RBFOX1: variants seen among roughly 807,000 people sequenced by gnomAD.
RBFOX1 encodes RNA binding protein fox-1 homolog 1.
RBFOX1 carries 8 observed loss-of-function variants against 57.7 expected under a neutral mutation model. The observed-to-expected ratio is 0.14, with a 90% CI of 0.08 to 0.25. RBFOX1 has a LOEUF of 0.25. Among genes scored for constraint, RBFOX1 ranks in the 10% least tolerant of loss-of-function variants. The pLI is 1.00. For synonymous variants in RBFOX1, 326 were observed against 222.4 expected (o/e 1.47, Z -4.15); for missense variants, 611 against 548.5 (o/e 1.11, Z -1.14).
At chr16:7,519,745 G>C in intron 5 of RBFOX1, 1 of 981,016 alleles carries the variant, frequency 1.0e-6, no homozygotes, top group Non-Finnish European at 1.2e-6. Flanking sequence ...CCTGTCCCAA[G>C]ACCTCAGGAA....
chr16:7,202,883 C>G (rs536433317), intron 4 of RBFOX1, among the ~76,000 whole-genome samples: 1 of 152,160 alleles, frequency 6.6e-6, no homozygotes, highest in Non-Finnish European at 1.5e-5. Context: ...GAAGTACAGC[C>G]TCAAAGAAAT....
chr16:6,177,748 A>G (rs2097024118), intron 1 of RBFOX1, among the ~76,000 whole-genome samples: 1 of 152,138 alleles, frequency 6.6e-6, no homozygotes, highest in Non-Finnish European at 1.5e-5. Flanking sequence ...ATTACGAATG[A>G]GTACACCCAA....
At chr16:7,190,038 A>C (rs1462665149) in intron 4 of RBFOX1, among the ~76,000 whole-genome samples, 2 of 152,246 alleles carry the variant, frequency 1.3e-5, no homozygotes, top group African/African-American at 4.8e-5. Flanking sequence ...ACCATGATTT[A>C]CTGGCAGGGC....
chr16:7,217,553 T>A (rs1040195898), intron 4 of RBFOX1, among the ~76,000 whole-genome samples: 1 of 152,236 alleles, frequency 6.6e-6, no homozygotes, highest in African/African-American at 2.4e-5. Flanking sequence ...CATCACTCTT[T>A]ATCTTATCCC....
At chr16:6,648,140 G>A (rs916030658) in intron 2 of RBFOX1, among the ~76,000 whole-genome samples, 8 of 152,102 alleles carry the variant, frequency 5.3e-5, no homozygotes, top group African/African-American at 1.9e-4. Context: ...ACTGCACCCG[G>A]CTTCAAGTGA....
intron 3 of RBFOX1, among the ~76,000 whole-genome samples, chr16:5,856,335 T>TTC (rs1180101096): frequency 9.6e-6 from 1 of 104,554 alleles, no homozygotes; most frequent in Non-Finnish European, 1.9e-5. Context: ...AACTGTTATA[T>TTC]TATATATATA....
chr16:7,192,634 C>T (rs1263932619), intron 4 of RBFOX1, among the ~76,000 whole-genome samples: 1 of 152,090 alleles, frequency 6.6e-6, no homozygotes, highest in South Asian at 2.1e-4. Flanking sequence ...ATGCAATAGA[C>T]AGTTTAGATC....
rs540590874 is a variant in RBFOX1, at chr16:7,549,673, G to A, written c.271-30104G>A. Among the ~76,000 whole-genome samples, 12 of 152,232 alleles carry A rather than the reference G, an allele frequency of 7.9e-5. 1 individual carries two copies. Among genetic ancestry groups the A allele is most frequent in the Admixed American group, 1.3e-4 (2 of 15,294 alleles). ...CAAGGGCAGGAAGCATGCAGCATGG[G>A]AGAAAGATGTAAGCCGGAAGACTGG... is the stretch of plus-strand genomic sequence containing the variant. On this transcript the variant is annotated intron_variant, in intron 5 of 15. Transcript: ENST00000550418.
chr16:7,177,432 G>A (rs2081900357), intron 4 of RBFOX1, among the ~76,000 whole-genome samples: 1 of 151,740 alleles, frequency 6.6e-6, no homozygotes, highest in South Asian at 2.1e-4. Flanking sequence ...AACATTCTAT[G>A]CATGTAACAA....
chr16:7,124,107 C>T (rs2036797563), intron 4 of RBFOX1, among the ~76,000 whole-genome samples: 1 of 152,032 alleles, frequency 6.6e-6, no homozygotes, highest in Non-Finnish European at 1.5e-5. Context: ...ATACTTTTAC[C>T]AAGTCTCAGG....
intron 2 of RBFOX1, among the ~76,000 whole-genome samples, chr16:5,564,358 C>T (rs1231396195): frequency 6.6e-6 from 1 of 152,056 alleles, no homozygotes; most frequent in Non-Finnish European, 1.5e-5. Context: ...TTTCTTTCAC[C>T]TTCTGCCATT....
At chr16:6,743,824 CT>C (rs1568431581) in intron 3 of RBFOX1, among the ~76,000 whole-genome samples, 3 of 107,078 alleles carry the variant, frequency 2.8e-5, no homozygotes, top group African/African-American at 1.2e-4. Flanking sequence ...TGTGTTTTGA[CT>C]ATTTAAAAAA....
chr16:6,817,497 C>T (rs1413993198), intron 3 of RBFOX1, among the ~76,000 whole-genome samples: 1 of 147,966 alleles, frequency 6.8e-6, no homozygotes, highest in African/African-American at 2.5e-5. Flanking sequence ...AGTTCGAGAC[C>T]AGCCTGGCCA....
intron 4 of RBFOX1, among the ~76,000 whole-genome samples, chr16:7,483,271 C>T (rs899717512): frequency 6.6e-6 from 1 of 152,182 alleles, no homozygotes; most frequent in African/African-American, 2.4e-5. Flanking sequence ...TAAATCGTTG[C>T]AATACTTGGG....
chr16:7,609,940 C>T (rs1396339367), intron 10 of RBFOX1, among the ~76,000 whole-genome samples: 1 of 151,390 alleles, frequency 6.6e-6, no homozygotes, highest in Non-Finnish European at 1.5e-5. Flanking sequence ...GCCTCAGCCT[C>T]CTGAGTAGCT....
In RBFOX1 at chr16:7,578,150, G is replaced by A. The variant is rs186146157; in HGVS notation, c.271-1627G>A. On this transcript the variant is annotated intron_variant, in intron 5 of 15. Coordinates refer to ENST00000550418, the MANE Select transcript of RBFOX1 (RefSeq NM_018723.4). ...AACTTGCCATCATTCTAAACATTTC[G>A]TCACTTTCCATTTATTGAATACATA... Among the ~76,000 whole-genome samples, 19 of 152,108 alleles carry A rather than the reference G, an allele frequency of 1.2e-4. 1 individual carries two copies. Among genetic ancestry groups the A allele is most frequent in the Admixed American group, 3.9e-4 (6 of 15,272 alleles).
At chr16:5,880,115 G>T (rs1391860464) in intron 4 of RBFOX1, among the ~76,000 whole-genome samples, 4 of 152,154 alleles carry the variant, frequency 2.6e-5, no homozygotes, top group Non-Finnish European at 5.9e-5. Flanking sequence ...CTCCTACACT[G>T]GGGTTGCTTG....
At chr16:5,816,157 G>A (rs1307764408) in intron 3 of RBFOX1, among the ~76,000 whole-genome samples, 1 of 152,134 alleles carries the variant, frequency 6.6e-6, no homozygotes, top group Non-Finnish European at 1.5e-5. Context: ...ACCCCCAGTG[G>A]CTCCTTAAAG....
chr16:7,060,941 C>T (rs2054049186), intron 4 of RBFOX1, among the ~76,000 whole-genome samples: 1 of 152,110 alleles, frequency 6.6e-6, no homozygotes, highest in Non-Finnish European at 1.5e-5. Context: ...GCAGAAATCC[C>T]AGGTAGGTGG....
Sources: allele counts gnomAD v4.1 joint callset (sites outside exome capture counted in the v4.1 genomes callset), GRCh38; gene constraint gnomAD v4.1.1; transcripts MANE v1.5; gene names NCBI Gene and HGNC (gene_info 2026-07-23, HGNC 2026-07-21).